The following RALYL variants were observed in gnomAD, a reference collection of about 807,000 sequenced individuals.
RALYL encodes RALY RNA binding protein like.
RALYL carries 29 observed loss-of-function variants against 35.1 expected under a neutral mutation model. That is an observed-to-expected ratio of 0.83 (90% CI 0.61 to 1.13). The LOEUF is 1.13. RALYL is among the 50% of genes most tolerant of loss of function. The pLI is 0.00. For missense variants in RALYL, 359 were observed against 360.4 expected, an observed-to-expected ratio of 1.00 and a Z score of 0.03; for synonymous variants, 120 against 127.6, an observed-to-expected ratio of 0.94 and a Z score of 0.40.
intron 1 of RALYL, among the ~76,000 whole-genome samples, chr8:84,482,857 A>G (rs1015554350): frequency 3.3e-5 from 5 of 151,864 alleles, no homozygotes; most frequent in African/African-American, 1.2e-4. Flanking sequence ...AAATAATGAC[A>G]CTCTTGTAGG....
intron 1 of RALYL, among the ~76,000 whole-genome samples, chr8:84,425,661 A>C (rs1452639083): frequency 6.6e-6 from 1 of 152,198 alleles, no homozygotes; most frequent in Non-Finnish European, 1.5e-5. Context: ...GCTAATTATT[A>C]AACTTAATAT....
chr8:84,901,724 G>A (rs183482215), intron 8 of RALYL, among the ~76,000 whole-genome samples: 43 of 152,302 alleles, frequency 2.8e-4, no homozygotes, highest in Admixed American at 1.1e-3. Context: ...GGCCCTTAAA[G>A]AGGGGATGGA....
At chr8:84,593,103 A>G (rs568621695) in intron 2 of RALYL, among the ~76,000 whole-genome samples, 7 of 151,966 alleles carry the variant, frequency 4.6e-5, no homozygotes, top group South Asian at 2.1e-4. Flanking sequence ...ATTAGTTTGG[A>G]TCTTATCTTT....
intron 1 of RALYL, among the ~76,000 whole-genome samples, chr8:84,437,044 T>A (rs755278469): frequency 3.9e-5 from 6 of 152,072 alleles, no homozygotes; most frequent in Non-Finnish European, 8.8e-5. Flanking sequence ...CTTGTAGTAG[T>A]CCCAATGTTT....
At chr8:84,197,112 A>G (rs550430044) in intron 1 of RALYL, among the ~76,000 whole-genome samples, 1 of 152,354 alleles carries the variant, frequency 6.6e-6, no homozygotes, top group Non-Finnish European at 1.5e-5. Context: ...ACAGAATGAT[A>G]TACTTAACAT....
intron 1 of RALYL, among the ~76,000 whole-genome samples, chr8:84,286,149 T>A (rs935682591): frequency 2.0e-5 from 3 of 152,040 alleles, no homozygotes; most frequent in Admixed American, 2.0e-4. Context: ...ACTTGAATGT[T>A]TTTTTTGAGA....
intron 1 of RALYL, among the ~76,000 whole-genome samples, chr8:84,277,210 C>T (rs1028222726): frequency 6.6e-6 from 1 of 152,150 alleles, no homozygotes; most frequent in African/African-American, 2.4e-5. Flanking sequence ...GGAGGCCTCA[C>T]AGTCATGGTG....
intron 1 of RALYL, among the ~76,000 whole-genome samples, chr8:84,383,513 G>A (rs760056350): frequency 4.9e-4 from 74 of 151,502 alleles, no homozygotes; most frequent in Admixed American, 1.2e-3. Flanking sequence ...TGGAAATTTT[G>A]TGTTATTTTA....
chr8:84,265,016 T>C (rs1286469643), intron 1 of RALYL, among the ~76,000 whole-genome samples: 1 of 152,238 alleles, frequency 6.6e-6, no homozygotes, highest in Non-Finnish European at 1.5e-5. Flanking sequence ...TGATGTGTTC[T>C]AGATTAGGGG....
At chr8:84,469,685 C>G (rs2052387604) in intron 1 of RALYL, among the ~76,000 whole-genome samples, 1 of 152,234 alleles carries the variant, frequency 6.6e-6, no homozygotes, top group South Asian at 2.1e-4. Context: ...AGCTTCCCAG[C>G]TGCTTTGTTT....
chr8:84,637,584 C>T (rs2131324739), intron 2 of RALYL, among the ~76,000 whole-genome samples: 2 of 151,902 alleles, frequency 1.3e-5, no homozygotes, highest in Middle Eastern at 6.8e-3. Flanking sequence ...GTAATCACTT[C>T]AAAGTTTAGG....
intron 7 of RALYL, among the ~76,000 whole-genome samples, chr8:84,879,623 A>G (rs959735496): frequency 6.6e-6 from 1 of 152,150 alleles, no homozygotes; most frequent in Non-Finnish European, 1.5e-5. Flanking sequence ...TGTATTTAAA[A>G]GATTCAGCCA....
At chr8:84,436,568 T>C (rs2047746896) in intron 1 of RALYL, among the ~76,000 whole-genome samples, 1 of 131,546 alleles carries the variant, frequency 7.6e-6, no homozygotes, top group Admixed American at 7.9e-5. Context: ...TTTTTTTTTT[T>C]TTTGAAGTTT....
At chr8:84,212,888 A>C (rs1819840958) in intron 1 of RALYL, among the ~76,000 whole-genome samples, 1 of 152,156 alleles carries the variant, frequency 6.6e-6, no homozygotes, top group Non-Finnish European at 1.5e-5. Context: ...TAGATAAATA[A>C]CAGAAATGAC....
At chr8:84,461,974 A>C (rs770517347) in intron 1 of RALYL, among the ~76,000 whole-genome samples, 2 of 151,728 alleles carry the variant, frequency 1.3e-5, no homozygotes, top group Admixed American at 1.3e-4. Flanking sequence ...GAGTTTTACA[A>C]ATCATAATGA....
At chr8:84,859,226 T>A (rs1449594205) in intron 5 of RALYL, among the ~76,000 whole-genome samples, 1 of 152,072 alleles carries the variant, frequency 6.6e-6, no homozygotes, top group Non-Finnish European at 1.5e-5. Context: ...GTCCGATTGG[T>A]TGCGGGAGGG....
intron 2 of RALYL, among the ~76,000 whole-genome samples, chr8:84,741,798 A>T (rs1165575400): frequency 1.3e-5 from 2 of 152,030 alleles, no homozygotes; most frequent in African/African-American, 2.4e-5. Context: ...TTTTATTGTC[A>T]TAGAAGGAAA....
chr8:84,284,365 T>C (rs1269956466), intron 1 of RALYL, among the ~76,000 whole-genome samples: 2 of 152,104 alleles, frequency 1.3e-5, no homozygotes, highest in Non-Finnish European at 2.9e-5. Flanking sequence ...TCAAAAGTCA[T>C]CTGTAGTTCA....
intron 2 of RALYL, among the ~76,000 whole-genome samples, chr8:84,549,448 C>T (rs1221990224): frequency 6.6e-6 from 1 of 152,072 alleles, no homozygotes; most frequent in African/African-American, 2.4e-5. Flanking sequence ...ATGAGTTTGC[C>T]ATTTTATGGA....
Sources: gnomAD v4.1 joint callset for allele counts (sites outside exome capture counted in the v4.1 genomes callset) on GRCh38, gnomAD v4.1.1 for gene constraint, MANE v1.5 for transcripts, NCBI Gene and HGNC (gene_info 2026-07-23, HGNC 2026-07-21) for gene names.